Variants in POLR1A observed in about 807,000 individuals in gnomAD.
POLR1A encodes the protein RNA polymerase I subunit A.
In POLR1A, 84 loss-of-function variants were observed where a neutral mutation model predicts 205.3. That is an observed-to-expected ratio of 0.41 (90% confidence interval 0.34 to 0.49). POLR1A has a LOEUF of 0.49. Among genes scored for constraint, POLR1A ranks in the 20% least tolerant of loss-of-function variants. The probability of loss-of-function intolerance (pLI) is 0.22; values close to 1 mark genes in which losing one functional copy is unlikely to be tolerated. For missense variants in POLR1A, 1,645 were observed against 2,204.5 expected, an observed-to-expected ratio of 0.75 and a Z score of 5.08; for synonymous variants, 799 against 863.7, an observed-to-expected ratio of 0.93 and a Z score of 1.31.
At position 86,099,897 on chromosome 2, in the gene POLR1A, T is replaced by C. The variant is rs996182610; in HGVS notation, c.282+71A>G. 14 of 1,291,516 alleles carry C rather than the reference T, an allele frequency of 1.1e-5. No homozygotes were observed. In the Admixed American group the frequency reaches 1.4e-4, roughly 13 times the overall value. The allele number at this position is 1,291,516 out of a possible 1,614,324, so 80.0% of individuals were successfully genotyped here. On this transcript the variant is annotated intron_variant, in intron 2 of 33. Transcript: ENST00000263857. ...GGGCTTAACCTCCTTAGACCACTCTTGTGGGAGAGAGGCAGCACTCACAAA... is the reference window on the plus strand; with the variant it reads ...GGGCTTAACCTCCTTAGACCACTCTCGTGGGAGAGAGGCAGCACTCACAAA...
intron 21 of POLR1A, 56 bp downstream of exon 21, chr2:86,045,222 G>A: frequency 9.0e-7 from 1 of 1,115,748 alleles, no homozygotes; most frequent in South Asian, 1.3e-5. Context: ...TGTGAAAGAT[G>A]ATGGCAGGAA....
intron 15 of POLR1A, among the ~76,000 whole-genome samples, chr2:86,053,457 G>A: frequency 6.6e-6 from 1 of 152,164 alleles, no homozygotes; most frequent in East Asian, 1.9e-4. Flanking sequence ...TTCCTCCCTT[G>A]AACCCTGGGA....
At chr2:86,063,034 T>C (rs1012077400) in intron 14 of POLR1A, among the ~76,000 whole-genome samples, 10 of 152,178 alleles carry the variant, frequency 6.6e-5, no homozygotes, top group African/African-American at 2.4e-4. Context: ...ATAGAAATTT[T>C]AATTGAAAAT....
At position 86,038,684 on chromosome 2, in the gene POLR1A, C is replaced by T. The variant is rs1347339492; in HGVS notation, c.4034+16G>A. ...TCTGGGTCAAGGTCAATGACAATCA[C>T]AGCCTGAGCCCTGACCTTGTTTCCA... On this transcript the variant is annotated intron_variant, in intron 27 of 33. Coordinates refer to ENST00000263857, the MANE Select transcript of POLR1A (RefSeq NM_015425.6). 1 of 1,612,190 alleles carries T rather than the reference C, an allele frequency of 6.2e-7. No individual in the cohort carries two copies. The highest frequency in any genetic ancestry group is 2.2e-5 in the East Asian group (1 of 44,884).
intron 31 of POLR1A, 117 bp downstream of exon 31, chr2:86,030,079 T>C (rs1452213942): frequency 1.3e-6 from 1 of 797,028 alleles, no homozygotes; most frequent in Non-Finnish European, 2.1e-6. Context: ...GAAGCACAAA[T>C]GGCTCAGGAA....
rs1045561449 is a variant in POLR1A at position 86,026,435 on chromosome 2, T to A, written c.*988A>T. On this transcript the variant is annotated 3_prime_UTR_variant, in exon 34 of 34. Coordinates refer to ENST00000263857, the MANE Select transcript of POLR1A (RefSeq NM_015425.6). ...CAGTAGACAAAGATAGAAGCTAGCC[T>A]CTGGTTTTACAAAGCCTTTGTATAA... is the stretch of plus-strand genomic sequence containing the variant. The A allele has an allele frequency of 6.6e-6, 1 of 152,234 alleles. No homozygotes were observed. The highest frequency in any genetic ancestry group is 1.5e-5 in the Non-Finnish European group (1 of 68,046). 9.4% of individuals were successfully genotyped at this position (152,234 alleles called of 1,614,324 possible).
At chr2:86,100,310 C>T (rs1673788680) in intron 1 of POLR1A, 138 bp from the exon 2 acceptor site, 3 of 668,412 alleles carry the variant, frequency 4.5e-6, no homozygotes, top group Non-Finnish European at 8.0e-6. Context: ...GTCTTTCTCA[C>T]TAGTGTACCC....
At position 86,065,379 on chromosome 2, in the gene POLR1A, C is replaced by G; in HGVS notation, c.1953G>C (p.Glu651Asp). 1 of 1,614,170 alleles carries G rather than the reference C, an allele frequency of 6.2e-7. No homozygotes were observed. The highest frequency in any genetic ancestry group is 8.5e-7 in the Non-Finnish European group (1 of 1,179,986). The change falls in exon 14 of 34, where the codon GAG (glutamate) becomes GAC (aspartate). Residue 651 changes from glutamate to aspartate, a missense_variant. By Grantham distance (45) the Glu-to-Asp change is conservative. Around this residue, in one of 16 missense-constraint regions of POLR1A, gnomAD observed 339 missense variants for 415.1 expected, o/e 0.82. Transcript: ENST00000263857. ...CTCGGTACACCAGCTCCATATAGTG[C>G]TCCCGGGTGAAAAAGCAACCCCGAG... ...MTTRGCFFTREHYMELVYRGL... is the reference protein window; with the variant it reads ...MTTRGCFFTRDHYMELVYRGL...
At chr2:86,082,756 A>G (rs1044201263) in intron 7 of POLR1A, among the ~76,000 whole-genome samples, 5 of 152,234 alleles carry the variant, frequency 3.3e-5, no homozygotes, top group African/African-American at 1.2e-4. Context: ...AGAAGGACAA[A>G]GCATTTTACT....
At chr2:86,036,181 G>T (rs1672493453) in intron 27 of POLR1A, among the ~76,000 whole-genome samples, 1 of 152,196 alleles carries the variant, frequency 6.6e-6, no homozygotes, top group African/African-American at 2.4e-5. Flanking sequence ...CTGCTGTTTG[G>T]AAAGTCAGAT....
At chr2:86,035,293 T>C (rs761247365) in intron 27 of POLR1A, among the ~76,000 whole-genome samples, 1 of 152,196 alleles carries the variant, frequency 6.6e-6, no homozygotes, top group Non-Finnish European at 1.5e-5. Context: ...AGGAACAGGA[T>C]AGCCAGATGA....
intron 8 of POLR1A, 39 bp downstream of exon 8, chr2:86,081,562 C>T (rs1558781438): frequency 2.2e-6 from 3 of 1,336,890 alleles, no homozygotes; most frequent in East Asian, 2.3e-5. Flanking sequence ...CCTTAGTACG[C>T]TTTTTTTCAG....
At chr2:86,099,201 A>T (rs1416321290) in intron 2 of POLR1A, among the ~76,000 whole-genome samples, 1 of 151,998 alleles carries the variant, frequency 6.6e-6, no homozygotes, top group Non-Finnish European at 1.5e-5. Flanking sequence ...TTGTAAAAAT[A>T]CAAAAATTAG....
At chr2:86,027,864 G>T in intron 33 of POLR1A, 21 bp downstream of exon 33, 6 of 1,613,848 alleles carry the variant, frequency 3.7e-6, no homozygotes, top group African/African-American at 1.3e-5. Flanking sequence ...GGGAGGCCAG[G>T]GCTCCTGCCC....
chr2:86,061,974 A>G (rs1478573006), intron 14 of POLR1A, among the ~76,000 whole-genome samples: 1 of 152,228 alleles, frequency 6.6e-6, no homozygotes, highest in Non-Finnish European at 1.5e-5. Flanking sequence ...AATGACAGGC[A>G]AATCTCTTTC....
At chr2:86,050,607 G>A (rs1350906655) in intron 16 of POLR1A, among the ~76,000 whole-genome samples, 1 of 152,130 alleles carries the variant, frequency 6.6e-6, no homozygotes, top group African/African-American at 2.4e-5. Context: ...CACACTCAAG[G>A]GACCAACTGC....
intron 33 of POLR1A, 130 bp downstream of exon 33, chr2:86,027,755 C>A: frequency 1.9e-6 from 2 of 1,073,922 alleles, no homozygotes; most frequent in Non-Finnish European, 2.8e-6. Context: ...CCCCTCCAGC[C>A]GCCCCCGCTC....
At chr2:86,082,802 A>T (rs538925663) in intron 7 of POLR1A, among the ~76,000 whole-genome samples, 25 of 152,342 alleles carry the variant, frequency 1.6e-4, no homozygotes, top group African/African-American at 5.1e-4. Flanking sequence ...TGAACCTTCT[A>T]AAAATATGCC....
chr2:86,067,874 G>A (rs570222934), intron 13 of POLR1A, among the ~76,000 whole-genome samples: 32 of 152,208 alleles, frequency 2.1e-4, no homozygotes, highest in African/African-American at 7.5e-4. Context: ...CTTTACCTCC[G>A]ACAAAAGAAA....
Sources: gnomAD v4.1 joint callset for allele counts (sites outside exome capture counted in the v4.1 genomes callset) on GRCh38, gnomAD v4.1.1 for gene constraint, gnomAD v4.1.1 regional missense constraint, MANE v1.5 for transcripts, NCBI Gene and HGNC (gene_info 2026-07-23, HGNC 2026-07-21) for gene names.